Variants in TMTC4 observed in about 807,000 individuals in gnomAD.
TMTC4 encodes the protein transmembrane O-mannosyltransferase targeting cadherins 4.
A neutral mutation model predicts 86.0 loss-of-function variants in TMTC4; 65 were observed. The observed-to-expected ratio is 0.76, with a 90% CI of 0.62 to 0.93. TMTC4 has a LOEUF of 0.93. Ranked by LOEUF, TMTC4 falls within the 40% of genes least tolerant of loss-of-function variation. The pLI, the probability that TMTC4 is intolerant of heterozygous loss-of-function variation, is 0.00. For missense variants in TMTC4, 866 were observed against 948.1 expected (o/e 0.91, Z 1.14); for synonymous variants, 379 against 382.5 (o/e 0.99, Z 0.11).
intron 6 of TMTC4, among the ~76,000 whole-genome samples, chr13:100,650,898 T>C (rs1274476273): frequency 1.3e-5 from 2 of 152,198 alleles, no homozygotes; most frequent in African/African-American, 4.8e-5. Context: ...AGAATGAAAA[T>C]ATGAGGCAAT....
At chr13:100,640,825 G>A (rs1202123150) in intron 7 of TMTC4, among the ~76,000 whole-genome samples, 1 of 149,540 alleles carries the variant, frequency 6.7e-6, no homozygotes, top group Non-Finnish European at 1.5e-5. Context: ...AAAAAAAAAA[G>A]GGAAAAAAAA....
intron 12 of TMTC4, among the ~76,000 whole-genome samples, chr13:100,627,670 A>G (rs550945055): frequency 1.3e-4 from 20 of 152,320 alleles, no homozygotes; most frequent in African/African-American, 4.3e-4. Context: ...TTACATCTGC[A>G]ACAACCCTAT....
chr13:100,617,434 C>A lies in TMTC4; in HGVS notation c.1837-3004G>T, dbSNP rs1265863162. ...TACAGGTGTGAGCCACTGAGCTCAG[C>A]CTCTTCTAGGATTCTTGTAGTTTGA... On this transcript the variant is annotated intron_variant, in intron 15 of 18. Coordinates refer to ENST00000342624, the MANE Select transcript of TMTC4 (RefSeq NM_032813.5). Among the ~76,000 whole-genome samples the A allele has an allele frequency of 2.6e-5, 4 of 152,194 alleles. No homozygotes were observed. The East Asian group carries it at 7.7e-4, about 29-fold the overall frequency.
chr13:100,640,543 C>G (rs1410976685), intron 7 of TMTC4, among the ~76,000 whole-genome samples: 1 of 152,072 alleles, frequency 6.6e-6, no homozygotes, highest in Non-Finnish European at 1.5e-5. Context: ...CAAGCTATTT[C>G]TATATGATCA....
chr13:100,643,823 A>G (rs1421261179), intron 6 of TMTC4, among the ~76,000 whole-genome samples: 2 of 152,096 alleles, frequency 1.3e-5, no homozygotes, highest in Middle Eastern at 3.2e-3. Context: ...GGAATTTCCA[A>G]TGGGGCTTTG....
chr13:100,641,405 CG>C (rs1262072047), intron 7 of TMTC4, among the ~76,000 whole-genome samples: 3 of 152,022 alleles, frequency 2.0e-5, no homozygotes, highest in African/African-American at 7.2e-5. Flanking sequence ...GGAGGAATGA[CG>C]AGAAGAGAGA....
chr13:100,650,616 C>T (rs1884315908), intron 6 of TMTC4, among the ~76,000 whole-genome samples: 2 of 152,222 alleles, frequency 1.3e-5, no homozygotes, highest in Admixed American at 6.5e-5. Context: ...ATTCGCGTTC[C>T]AAAAGCTGGA....
intron 5 of TMTC4, among the ~76,000 whole-genome samples, chr13:100,660,906 G>C (rs555884587): frequency 6.6e-6 from 1 of 152,058 alleles, no homozygotes; most frequent in African/African-American, 2.4e-5. Context: ...CACCTGCTTC[G>C]GCCTCCCGAA....
At chr13:100,647,197 C>T (rs1226776371) in intron 6 of TMTC4, among the ~76,000 whole-genome samples, 1 of 152,208 alleles carries the variant, frequency 6.6e-6, no homozygotes, top group African/African-American at 2.4e-5. Context: ...CTCCTATTAG[C>T]AGTTTATTTG....
rs1456888873 is a variant in TMTC4, at chr13:100,668,797, G to A, written c.4-3C>T. 1 of 1,613,746 alleles carries A rather than the reference G, an allele frequency of 6.2e-7. No individual in the cohort carries two copies. The highest frequency in any genetic ancestry group is 8.5e-7 in the Non-Finnish European group (1 of 1,179,882). On this transcript the variant is annotated splice_region_variant and splice_polypyrimidine_tract_variant and intron_variant, in intron 2 of 18. Coordinates refer to ENST00000342624, the MANE Select transcript of TMTC4 (RefSeq NM_032813.5). ...CCAGCATTATGCTGGTTAGGAATCT[G>A]CAGGAAAAACAACACTGTATAAATA...
At chr13:100,628,448 T>C (rs1880867679) in intron 12 of TMTC4, among the ~76,000 whole-genome samples, 1 of 152,232 alleles carries the variant, frequency 6.6e-6, no homozygotes, top group Non-Finnish European at 1.5e-5. Context: ...ATAACGCTGC[T>C]GTGAACATGG....
intron 1 of TMTC4, among the ~76,000 whole-genome samples, chr13:100,671,350 AG>A (rs1285280112): frequency 6.6e-6 from 1 of 152,140 alleles, no homozygotes; most frequent in East Asian, 1.9e-4. Context: ...ACGTTTGTCA[AG>A]GTTCAAATGG....
chr13:100,607,368 T>G (rs1319963141), intron 17 of TMTC4, among the ~76,000 whole-genome samples: 1 of 152,010 alleles, frequency 6.6e-6, no homozygotes, highest in Non-Finnish European at 1.5e-5. Flanking sequence ...AATACAAAAA[T>G]TAGCCGGGTG....
At chr13:100,617,133 T>TG (rs1258989981) in intron 15 of TMTC4, among the ~76,000 whole-genome samples, 1 of 152,004 alleles carries the variant, frequency 6.6e-6, no homozygotes, top group Non-Finnish European at 1.5e-5. Flanking sequence ...TAGGATTTTT[T>TG]TTTTTTTAAA....
chr13:100,609,064 T>C (rs1378196821), intron 17 of TMTC4, among the ~76,000 whole-genome samples: 1 of 152,114 alleles, frequency 6.6e-6, no homozygotes, highest in Non-Finnish European at 1.5e-5. Context: ...ATGGGAGATC[T>C]GATGAGAAGT....
At chr13:100,606,483 G>C in intron 17 of TMTC4, 56 bp from the exon 18 acceptor site, 2 of 1,465,922 alleles carry the variant, frequency 1.4e-6, no homozygotes, top group South Asian at 2.4e-5. Flanking sequence ...AGCAAAAGCA[G>C]TTCCCAGTTT....
In TMTC4 at chr13:100,612,450, T is replaced by TG; in HGVS notation, c.2011dup (p.His671ProfsTer21). On this transcript the variant is annotated frameshift_variant, in exon 17 of 19. Transcript: ENST00000342624. LOFTEE classifies it high-confidence loss of function. The stretch of plus-strand genomic sequence containing the variant: ...GTTTGCCAACGAGAACATGAGAGAG[T>TG]GATCATTAGGTATTAATTCCAGTGC... 4 of 1,609,636 alleles carry TG rather than the reference T, an allele frequency of 2.5e-6. No homozygotes were observed. The highest frequency in any genetic ancestry group is 3.4e-6 in the Non-Finnish European group (4 of 1,178,474).
intron 15 of TMTC4, among the ~76,000 whole-genome samples, chr13:100,618,806 G>C (rs1878978947): frequency 1.3e-5 from 2 of 152,210 alleles, no homozygotes; most frequent in Non-Finnish European, 1.5e-5. Flanking sequence ...AGGGTTGGGG[G>C]TAAGGTCACC....
At chr13:100,635,228 A>G (rs1330017709) in intron 10 of TMTC4, 33 bp from the exon 11 acceptor site, 1 of 1,501,708 alleles carries the variant, frequency 6.7e-7, no homozygotes, top group Admixed American at 2.5e-5. Context: ...ATAAATGGCT[A>G]TTTCCAGACT....
Sources: allele counts gnomAD v4.1 joint callset (sites outside exome capture counted in the v4.1 genomes callset), GRCh38; gene constraint gnomAD v4.1.1; transcripts MANE v1.5; gene names NCBI Gene and HGNC (gene_info 2026-07-23, HGNC 2026-07-21).